The following ARHGAP27 variants were observed in gnomAD, a reference collection of about 807,000 sequenced individuals.
ARHGAP27 encodes the protein Rho GTPase activating protein 27.
In ARHGAP27, 53 loss-of-function variants were observed where a neutral mutation model predicts 102.0. The ratio of observed to expected loss-of-function variants is 0.52; its 90% CI spans 0.42 to 0.65. The LOEUF (loss-of-function observed/expected upper bound fraction) is 0.65, where lower values mean the gene tolerates loss of function less well. Ranked by LOEUF, ARHGAP27 falls within the 30% of genes least tolerant of loss-of-function variation. ARHGAP27 has a pLI of 0.00. For missense variants in ARHGAP27, 1,117 were observed against 1,256.2 expected (o/e 0.89, Z 1.68); for synonymous variants, 525 against 542.8 (o/e 0.97, Z 0.46).
At chr17:45,414,727 G>A (rs1470685378) in intron 4 of ARHGAP27, among the ~76,000 whole-genome samples, 2 of 148,538 alleles carry the variant, frequency 1.3e-5, no homozygotes, top group Admixed American at 6.6e-5. Flanking sequence ...GGGATTACAG[G>A]CCTGAGCCAC....
At chr17:45,404,245 CT>C in intron 9 of ARHGAP27, 23 bp downstream of exon 9, 1 of 1,613,488 alleles carries the variant, frequency 6.2e-7, no homozygotes, top group Non-Finnish European at 8.5e-7. Context: ...CACCACCTGG[CT>C]GGGGGTAGGG....
chr17:45,394,429 G>T lies in ARHGAP27; in HGVS notation c.*1027C>A, dbSNP rs960874709. On this transcript the variant is annotated 3_prime_UTR_variant, in exon 20 of 20. Coordinates refer to ENST00000685559, the MANE Select transcript of ARHGAP27 (RefSeq NM_001282290.2). ...CCCAGATGGGTGTACTTGTGTGTCA[G>T]AGTGCCAAGAGGGGCTGGGAGCTCC... is the stretch of plus-strand genomic sequence containing the variant. 6.6e-6 allele frequency: 1 copy of T among 152,368 alleles called. No individual in the cohort carries two copies. Among genetic ancestry groups the T allele is most frequent in the African/African-American group, 2.4e-5 (1 of 41,464 alleles). 9.4% of individuals were successfully genotyped at this position (152,368 alleles called of 1,614,324 possible). A position where few individuals can be genotyped will look rare whatever the true frequency, so the allele number is the denominator to read the frequency against.
At chr17:45,400,071 C>G (rs2144307881) in intron 12 of ARHGAP27, among the ~76,000 whole-genome samples, 1 of 152,140 alleles carries the variant, frequency 6.6e-6, no homozygotes, top group East Asian at 1.9e-4. Flanking sequence ...GCTGAAGTGA[C>G]AGCATCACTT....
intron 4 of ARHGAP27, among the ~76,000 whole-genome samples, chr17:45,429,100 G>A (rs2049851164): frequency 6.6e-6 from 1 of 152,234 alleles, no homozygotes; most frequent in Non-Finnish European, 1.5e-5. Flanking sequence ...TCTGACCCCA[G>A]ACTCCTGGGA....
intron 9 of ARHGAP27, 34 bp downstream of exon 9, chr17:45,404,235 C>T: frequency 6.2e-7 from 1 of 1,613,226 alleles, no homozygotes; most frequent in Non-Finnish European, 8.5e-7. Flanking sequence ...TCGCCAGCAC[C>T]ACCACCTGGC....
rs1421688822 is a variant in ARHGAP27 at position 45,405,748 on chromosome 17, C to T, written c.993G>A (p.Glu331=). 3 of 1,600,102 alleles carry T rather than the reference C, an allele frequency of 1.9e-6. No individual in the cohort carries two copies. Among genetic ancestry groups the T allele is most frequent in the Admixed American group, 1.7e-5 (1 of 59,758 alleles). ...PLTGETAWED[E]AENEPEEELE... is the part of the protein sequence containing the mutation. The stretch of plus-strand genomic sequence containing the variant: ...ACTCCTCCTCGGGCTCGTTCTCGGC[C>T]TCGTCCTCCCAGGCCGTCTCGCCCG... Residue 331 remains glutamate (E), a synonymous_variant, in exon 5 of 20, where the codon GAG becomes GAA. Transcript: ENST00000685559.
At chr17:45,425,618 C>A (rs1375028048) in intron 4 of ARHGAP27, 1 of 985,576 alleles carries the variant, frequency 1.0e-6, no homozygotes, top group Non-Finnish European at 1.2e-6. Context: ...CCAGTCGGGG[C>A]TGCCTGCTCA....
At chr17:45,410,491 T>C (rs1236632088) in intron 4 of ARHGAP27, 1 of 1,251,558 alleles carries the variant, frequency 8.0e-7, no homozygotes, top group Admixed American at 3.5e-5. Context: ...GGGCCTCAGG[T>C]TGAGGGTATT....
chr17:45,398,966 C>G (rs2046088263), intron 12 of ARHGAP27, among the ~76,000 whole-genome samples: 1 of 151,950 alleles, frequency 6.6e-6, no homozygotes, highest in Admixed American at 6.6e-5. Flanking sequence ...CTGGGCAACA[C>G]ATCTTCTGTT....
intron 4 of ARHGAP27, among the ~76,000 whole-genome samples, chr17:45,426,445 A>T (rs1455756002): frequency 6.6e-6 from 1 of 151,928 alleles, no homozygotes; most frequent in Admixed American, 6.6e-5. Flanking sequence ...GTGCATGGGG[A>T]GTGACAAGGC....
At chr17:45,412,587 C>T (rs1035018041) in intron 4 of ARHGAP27, among the ~76,000 whole-genome samples, 17 of 152,332 alleles carry the variant, frequency 1.1e-4, no homozygotes, top group Non-Finnish European at 2.4e-4. Context: ...AGTGAGTCTG[C>T]TCTGTGCCAC....
intron 4 of ARHGAP27, among the ~76,000 whole-genome samples, chr17:45,419,508 GTATGTATATATA>G (rs1382239844): frequency 2.3e-4 from 20 of 86,400 alleles, no homozygotes; most frequent in African/African-American, 5.6e-4. Context: ...GACTTATGCT[GTATGTATATATA>G]TATATATATA....
At chr17:45,416,403 C>T (rs1460450430) in intron 4 of ARHGAP27, among the ~76,000 whole-genome samples, 3 of 151,540 alleles carry the variant, frequency 2.0e-5, no homozygotes, top group Non-Finnish European at 4.4e-5. Flanking sequence ...ATTTATAATT[C>T]ATCAGCAATA....
At chr17:45,419,928 T>G (rs1279636287) in intron 4 of ARHGAP27, among the ~76,000 whole-genome samples, 1 of 152,192 alleles carries the variant, frequency 6.6e-6, no homozygotes, top group Admixed American at 6.5e-5. Flanking sequence ...GATAATACAT[T>G]TTATGGTCAG....
At chr17:45,425,017 C>T (rs552626855) in intron 4 of ARHGAP27, among the ~76,000 whole-genome samples, 3 of 7,982 alleles carry the variant, frequency 3.8e-4, no homozygotes, top group Non-Finnish European at 6.9e-4. Context: ...CCAGGGGGTG[C>T]GGGGGGTGGG....
In ARHGAP27 at chr17:45,429,751, T is replaced by C; in HGVS notation, c.529A>G (p.Ser177Gly). The C allele has an allele frequency of 6.5e-7, 1 of 1,536,258 alleles. No homozygotes were observed. Among genetic ancestry groups the C allele is most frequent in the Admixed American group, 2.0e-5 (1 of 50,574 alleles). ...CCCGCCACGCTGCAGGCCTTGAAGC[T>C]GCCGCTGCTTCCTAGGAGGCCGGCG... ...PPAGLLGSSG[S>G]FKACSVAGSW... is the part of the protein sequence containing the mutation. Residue 177 changes from serine to glycine, a missense_variant, in exon 4 of 20, where the codon AGC (serine) becomes GGC (glycine). Transcript: ENST00000685559.
At chr17:45,425,372 C>A (rs1431781004) in intron 4 of ARHGAP27, among the ~76,000 whole-genome samples, 1 of 152,120 alleles carries the variant, frequency 6.6e-6, no homozygotes, top group South Asian at 2.1e-4. Context: ...GAGGGTCTGT[C>A]CCAAGGCCAG....
At chr17:45,398,683 G>A (rs1038638358) in intron 12 of ARHGAP27, among the ~76,000 whole-genome samples, 11 of 151,346 alleles carry the variant, frequency 7.3e-5, no homozygotes, top group Admixed American at 4.6e-4. Flanking sequence ...ACCGTGAGCC[G>A]AGATCATGCC....
intron 4 of ARHGAP27, among the ~76,000 whole-genome samples, chr17:45,422,792 C>A (rs2049167418): frequency 6.6e-6 from 1 of 152,164 alleles, no homozygotes; most frequent in African/African-American, 2.4e-5. Flanking sequence ...CCCCTGCCCC[C>A]AAGCAAAGGA....
Sources: allele counts gnomAD v4.1 joint callset (sites outside exome capture counted in the v4.1 genomes callset), GRCh38; gene constraint gnomAD v4.1.1; transcripts MANE v1.5; gene names NCBI Gene and HGNC (gene_info 2026-07-23, HGNC 2026-07-21).